Variants in PTPRA observed in about 807,000 individuals in gnomAD.
The protein encoded by PTPRA is protein tyrosine phosphatase receptor type A.
A neutral mutation model predicts 104.8 loss-of-function variants in PTPRA; 25 were observed. The ratio of observed to expected loss-of-function variants is 0.24; its 90% CI spans 0.17 to 0.33. The LOEUF is 0.33. Among genes scored for constraint, PTPRA ranks in the 10% least tolerant of loss-of-function variants. PTPRA has a pLI of 1.00. For missense variants in PTPRA, 765 were observed against 1,015.3 expected (o/e 0.75, Z 3.35); for synonymous variants, 323 against 368.9 (o/e 0.88, Z 1.43).
chr20:2,898,544 T>C (rs116572785), intron 1 of PTPRA, among the ~76,000 whole-genome samples: 2,868 of 151,918 alleles, frequency 0.019, 93 homozygotes, highest in African/African-American at 0.064. Context: ...TCACTTTTTT[T>C]CTTACTTTTT....
chr20:2,910,589 G>GTTTTTTTTTTTTTTTTTTTTTATT (rs1423909050), intron 1 of PTPRA, among the ~76,000 whole-genome samples: 1 of 57,986 alleles, frequency 1.7e-5, no homozygotes, highest in South Asian at 7.1e-4. Flanking sequence ...TTTTTTTTTT[G>GTTTTTTTTTTTTTTTTTTTTTATT]TTTTTTTTTT....
intron 1 of PTPRA, among the ~76,000 whole-genome samples, chr20:2,890,062 ATTT>A (rs11359203): frequency 2.2e-5 from 3 of 134,694 alleles, no homozygotes; most frequent in African/African-American, 2.8e-5. Context: ...TAATTTTTTG[ATTT>A]TTTTTTTTTT....
chr20:3,011,827 T>A (rs2064183878), intron 11 of PTPRA, among the ~76,000 whole-genome samples: 1 of 152,258 alleles, frequency 6.6e-6, no homozygotes, highest in South Asian at 2.1e-4. Flanking sequence ...CAAGCTCAGA[T>A]GCTGCTCAGC....
chr20:3,006,263 T>G (rs1046463918), intron 10 of PTPRA, among the ~76,000 whole-genome samples: 1 of 152,176 alleles, frequency 6.6e-6, no homozygotes, highest in Non-Finnish European at 1.5e-5. Context: ...ATCATAGATA[T>G]GTATCCTCGA....
chr20:2,955,786 G>C (rs868608067), intron 3 of PTPRA: 9 of 620,418 alleles, frequency 1.5e-5, no homozygotes, highest in Middle Eastern at 8.2e-4. Flanking sequence ...GCTCATTGCT[G>C]CTTTTGTCAC....
intron 2 of PTPRA, among the ~76,000 whole-genome samples, chr20:2,939,815 C>A (rs909988092): frequency 6.6e-6 from 1 of 151,910 alleles, no homozygotes; most frequent in South Asian, 2.1e-4. Flanking sequence ...CGGTTATAAT[C>A]GGTGGGAAGG....
intron 20 of PTPRA, among the ~76,000 whole-genome samples, chr20:3,033,494 T>A (rs1336762477): frequency 1.3e-5 from 2 of 152,046 alleles, no homozygotes; most frequent in Non-Finnish European, 2.9e-5. Context: ...CAGCCTCGTC[T>A]GCAGTGGCCT....
chr20:3,032,474 G>T (rs2065508424), intron 20 of PTPRA, among the ~76,000 whole-genome samples: 1 of 152,114 alleles, frequency 6.6e-6, no homozygotes, highest in Non-Finnish European at 1.5e-5. Context: ...CTCCTTTAAA[G>T]AGTTGGCTTT....
At chr20:2,927,304 A>G (rs1409042099) in intron 2 of PTPRA, among the ~76,000 whole-genome samples, 3 of 152,206 alleles carry the variant, frequency 2.0e-5, no homozygotes, top group Non-Finnish European at 1.5e-5. Context: ...TCAATGTCAT[A>G]GACCCTGGGC....
At chr20:2,898,510 G>A (rs886505268) in intron 1 of PTPRA, among the ~76,000 whole-genome samples, 1 of 151,794 alleles carries the variant, frequency 6.6e-6, no homozygotes, top group Non-Finnish European at 1.5e-5. Flanking sequence ...CACCACGCCT[G>A]GTCATGTCCC....
intron 12 of PTPRA, among the ~76,000 whole-genome samples, chr20:3,016,246 G>C (rs1308475619): frequency 6.6e-6 from 1 of 152,164 alleles, no homozygotes; most frequent in African/African-American, 2.4e-5. Context: ...GAGAGGATCA[G>C]CCACCTCACA....
chr20:2,896,536 T>G (rs2059008594), intron 1 of PTPRA, among the ~76,000 whole-genome samples: 1 of 152,212 alleles, frequency 6.6e-6, no homozygotes, highest in Non-Finnish European at 1.5e-5. Flanking sequence ...CGTCTTCTCT[T>G]TCTCACTTCA....
At chr20:3,004,991 C>T (rs949971519) in intron 9 of PTPRA, 65 bp from the exon 10 acceptor site, 1 of 1,398,266 alleles carries the variant, frequency 7.2e-7, no homozygotes, top group Non-Finnish European at 1.0e-6. Flanking sequence ...GGGTTTGGTG[C>T]AGCAGTTTGC....
intron 14 of PTPRA, 65 bp downstream of exon 14, chr20:3,021,493 G>C: frequency 6.3e-7 from 1 of 1,596,632 alleles, no homozygotes; most frequent in Non-Finnish European, 8.6e-7. Context: ...GAGGGAACAG[G>C]CTGGATCATC....
chr20:2,910,157 G>A (rs1267150746), intron 1 of PTPRA, among the ~76,000 whole-genome samples: 72 of 79,276 alleles, frequency 9.1e-4, no homozygotes, highest in African/African-American at 2.9e-3. Flanking sequence ...TATACTATAC[G>A]TCATATATAA....
intron 5 of PTPRA, among the ~76,000 whole-genome samples, chr20:2,968,906 C>A (rs1229017968): frequency 6.9e-6 from 1 of 145,548 alleles, no homozygotes; most frequent in Non-Finnish European, 1.5e-5. Flanking sequence ...CAGAGGGAGA[C>A]CTCATCTCAA....
intron 2 of PTPRA, among the ~76,000 whole-genome samples, chr20:2,943,241 T>A (rs1307135532): frequency 8.1e-6 from 1 of 124,166 alleles, no homozygotes; most frequent in Non-Finnish European, 1.6e-5. Flanking sequence ...GGGGTAGTAC[T>A]GAAATTATAT....
intron 6 of PTPRA, among the ~76,000 whole-genome samples, chr20:2,978,418 G>A (rs961000285): frequency 5.3e-5 from 8 of 152,132 alleles, no homozygotes; most frequent in Non-Finnish European, 1.2e-4. Flanking sequence ...ATAAATACTT[G>A]TACCAAAAAG....
At chr20:2,968,021 AG>A (rs1384141947) in intron 5 of PTPRA, among the ~76,000 whole-genome samples, 1 of 152,088 alleles carries the variant, frequency 6.6e-6, no homozygotes, top group African/African-American at 2.4e-5. Flanking sequence ...GTCGATCTCT[AG>A]GGCTACTACA....
Sources: gnomAD v4.1 joint callset for allele counts (sites outside exome capture counted in the v4.1 genomes callset) on GRCh38, gnomAD v4.1.1 for gene constraint, MANE v1.5 for transcripts, NCBI Gene and HGNC (gene_info 2026-07-23, HGNC 2026-07-21) for gene names.